The following TMEM87A variants were observed in gnomAD, a reference collection of about 807,000 sequenced individuals.
TMEM87A encodes transmembrane protein 87A.
Under a neutral mutation model 90.0 loss-of-function variants are expected in TMEM87A, and 50 were observed. That is an observed-to-expected ratio of 0.56 (90% CI 0.44 to 0.70). The LOEUF is 0.70. TMEM87A is among the 30% of genes least tolerant of loss of function. The probability of loss-of-function intolerance (pLI) is 0.00; values close to 1 mark genes in which losing one functional copy is unlikely to be tolerated. For missense variants in TMEM87A, 577 were observed against 660.5 expected, an observed-to-expected ratio of 0.87 and a Z score of 1.39; for synonymous variants, 226 against 226.7, an observed-to-expected ratio of 1.00 and a Z score of 0.03.
At position 42,211,648 on chromosome 15, in the gene TMEM87A, A is replaced by G; in HGVS notation, c.*60T>C. ...TCCCATGGAGCCGTACAGAAGACTG[A>G]CACAGATGCTGATCTCTTCCCTGAT... On this transcript the variant is annotated 3_prime_UTR_variant, in exon 20 of 20. Transcript: ENST00000389834. The G allele has an allele frequency of 6.6e-7, 1 of 1,518,988 alleles. No individual in the cohort carries two copies. Among genetic ancestry groups the G allele is most frequent in the Admixed American group, 1.7e-5 (1 of 58,100 alleles). 94.1% of individuals were successfully genotyped at this position (1,518,988 alleles called of 1,614,324 possible).
intron 2 of TMEM87A, among the ~76,000 whole-genome samples, chr15:42,268,955 A>T (rs1160597972): frequency 6.6e-6 from 1 of 152,236 alleles, no homozygotes; most frequent in Non-Finnish European, 1.5e-5. Flanking sequence ...GCAATGAACG[A>T]AAAGCAAACA....
At chr15:42,242,783 A>G (rs974145170) in intron 7 of TMEM87A, among the ~76,000 whole-genome samples, 1 of 152,090 alleles carries the variant, frequency 6.6e-6, no homozygotes, top group East Asian at 1.9e-4. Flanking sequence ...CATTTTTTTT[A>G]AAAAAGGAAA....
chr15:42,245,990 T>G (rs1410201972), intron 6 of TMEM87A, among the ~76,000 whole-genome samples: 1 of 152,228 alleles, frequency 6.6e-6, no homozygotes, highest in African/African-American at 2.4e-5. Context: ...ATATCACCTC[T>G]ATCTAGTTCC....
rs2050415024 is a variant in TMEM87A, at chr15:42,218,309, A to G, written c.1595+14T>C. The G allele has an allele frequency of 6.2e-7, 1 of 1,613,256 alleles. No individual in the cohort carries two copies. The highest frequency in any genetic ancestry group is 1.7e-5 in the Admixed American group (1 of 59,974). On this transcript the variant is annotated intron_variant, in intron 18 of 19. Transcript: ENST00000389834. Reference sequence around the variant, plus strand: ...TTGAAATAGGATTCTTGTGGTAATCATTCAAAAACTTACACATCTGTCACA... The same window carrying G: ...TTGAAATAGGATTCTTGTGGTAATCGTTCAAAAACTTACACATCTGTCACA...
intron 6 of TMEM87A, 83 bp downstream of exon 6, chr15:42,260,875 G>C (rs2051274163): frequency 1.4e-6 from 2 of 1,429,876 alleles, no homozygotes; most frequent in Non-Finnish European, 1.9e-6. Context: ...TATTAGCATA[G>C]TATGGGAGAA....
chr15:42,227,420 A>C (rs1291973906), intron 14 of TMEM87A, among the ~76,000 whole-genome samples: 1 of 152,162 alleles, frequency 6.6e-6, no homozygotes. Flanking sequence ...TGGACTTCTT[A>C]AGATTTTTAG....
At chr15:42,234,907 A>G (rs965144477) in intron 10 of TMEM87A, among the ~76,000 whole-genome samples, 1 of 152,002 alleles carries the variant, frequency 6.6e-6, no homozygotes, top group African/African-American at 2.4e-5. Flanking sequence ...TCTCTCCTCA[A>G]TTTCTTCTGC....
chr15:42,227,500 T>G lies in TMEM87A; in HGVS notation c.1299+211A>C, dbSNP rs556938935. The G allele has an allele frequency of 8.6e-4, 399 of 461,668 alleles. 1 individual carries two copies. In the South Asian group the frequency reaches 0.012, roughly 14 times the overall value. The allele number at this position is 461,668 out of a possible 1,614,324, so 28.6% of individuals were successfully genotyped here. ...AAATTCTCTCCCAAAACTGGGAGAA[T>G]ACAGTCAGAAAAAACAAACAAAAAA... On this transcript the variant is annotated intron_variant, in intron 14 of 19. Transcript: ENST00000389834.
In TMEM87A at chr15:42,261,258, GA is replaced by G; in HGVS notation, c.406-10del. 1 of 1,611,228 alleles carries G rather than the reference GA, an allele frequency of 6.2e-7. No individual in the cohort carries two copies. The highest frequency in any genetic ancestry group is 1.1e-5 in the South Asian group (1 of 90,698). On this transcript the variant is annotated splice_polypyrimidine_tract_variant and intron_variant, in intron 4 of 19. Transcript: ENST00000389834. The stretch of plus-strand genomic sequence containing the variant: ...AAATCTCCAGAAAAGGTCTATAAAA[GA>G]AACACAAAACAAAACATTAAAGGTG...
intron 15 of TMEM87A, among the ~76,000 whole-genome samples, chr15:42,222,205 T>C (rs1026104620): frequency 2.0e-5 from 3 of 152,108 alleles, no homozygotes; most frequent in African/African-American, 7.2e-5. Context: ...ATTACAGGCA[T>C]GTGCCATCAT....
chr15:42,218,292 G>T lies in TMEM87A; in HGVS notation c.1595+31C>A, dbSNP rs1450138784. 3.7e-6 allele frequency: 6 copies of T among 1,608,312 alleles called. No individual in the cohort carries two copies. The African/African-American group carries it at 8.0e-5, about 22-fold the overall frequency. On this transcript the variant is annotated intron_variant, in intron 18 of 19. Coordinates refer to ENST00000389834, the MANE Select transcript of TMEM87A (RefSeq NM_015497.5). ...ACAAAGTAGTACTAACTTTGAAATA[G>T]GATTCTTGTGGTAATCATTCAAAAA...
intron 3 of TMEM87A, among the ~76,000 whole-genome samples, chr15:42,264,894 CCT>C (rs1032825606): frequency 4.0e-5 from 6 of 151,896 alleles, no homozygotes; most frequent in East Asian, 3.9e-4. Context: ...CTGCCGTTCC[CCT>C]CTTTGTGATC....
chr15:42,212,002 A>T (rs2050297131), intron 19 of TMEM87A, among the ~76,000 whole-genome samples: 1 of 147,682 alleles, frequency 6.8e-6, no homozygotes, highest in Non-Finnish European at 1.5e-5. Context: ...GTATAGAGTC[A>T]GCTAAGATCT....
At chr15:42,237,692 T>C (rs2050798225) in intron 8 of TMEM87A, 77 bp from the exon 9 acceptor site, 2 of 1,032,576 alleles carry the variant, frequency 1.9e-6, no homozygotes, top group Non-Finnish European at 2.5e-6. Flanking sequence ...AATCAATATA[T>C]ACTTTTTTTT....
intron 6 of TMEM87A, among the ~76,000 whole-genome samples, chr15:42,248,860 T>C (rs2051029769): frequency 6.6e-6 from 1 of 152,232 alleles, no homozygotes; most frequent in Non-Finnish European, 1.5e-5. Flanking sequence ...GAAGGAATGG[T>C]ACCAGCTCCT....
At chr15:42,245,134 T>C (rs1451768591) in intron 6 of TMEM87A, among the ~76,000 whole-genome samples, 1 of 152,204 alleles carries the variant, frequency 6.6e-6, no homozygotes, top group Non-Finnish European at 1.5e-5. Context: ...TACTAGGTTA[T>C]CTTAGTAAAA....
At chr15:42,270,091 C>T (rs529668996) in intron 2 of TMEM87A, among the ~76,000 whole-genome samples, 57 of 152,172 alleles carry the variant, frequency 3.7e-4, no homozygotes, top group African/African-American at 1.3e-3. Flanking sequence ...TGTCTCAGGC[C>T]GGGCACGGTG....
intron 6 of TMEM87A, among the ~76,000 whole-genome samples, chr15:42,248,534 A>G (rs2051020695): frequency 6.6e-6 from 1 of 152,170 alleles, no homozygotes. Context: ...GCATCTATTG[A>G]GATAATCATG....
chr15:42,259,763 C>T (rs1180705874), intron 6 of TMEM87A, among the ~76,000 whole-genome samples: 3 of 152,084 alleles, frequency 2.0e-5, no homozygotes, highest in Non-Finnish European at 4.4e-5. Flanking sequence ...CCTGAGGAGG[C>T]CCTAATCATT....
Sources: allele counts gnomAD v4.1 joint callset (sites outside exome capture counted in the v4.1 genomes callset), GRCh38; gene constraint gnomAD v4.1.1; transcripts MANE v1.5; gene names NCBI Gene and HGNC (gene_info 2026-07-23, HGNC 2026-07-21).